The following ATRN variants were observed in gnomAD, a reference collection of about 807,000 sequenced individuals.
The protein encoded by ATRN is attractin, also known as attractin-2.
Under a neutral mutation model 178.7 loss-of-function variants are expected in ATRN, and 54 were observed. The ratio of observed to expected loss-of-function variants is 0.30; its 90% CI spans 0.24 to 0.38. ATRN has a LOEUF of 0.38. Ranked by LOEUF, ATRN falls within the 10% of genes least tolerant of loss-of-function variation. The pLI, the probability that ATRN is intolerant of heterozygous loss-of-function variation, is 1.00. For synonymous variants in ATRN, 636 were observed against 663.0 expected (o/e 0.96, Z 0.63); for missense variants, 1,443 against 1,815.1 (o/e 0.79, Z 3.73).
chr20:3,576,922 A>C lies in ATRN; in HGVS notation c.2278A>C (p.Thr760Pro), dbSNP rs1600123418. ...DNPMYYCNKK[T>P]SCRSCALDQN... ...CCCCATGTACTACTGTAACAAGAAG[A>C]CCAGCTGCAGGAGCTGTGCCCTGGA... The change falls in exon 14 of 29, where the codon ACC (threonine) becomes CCC (proline). Residue 760 changes from threonine (T) to proline (P), a missense_variant. Transcript: ENST00000262919. 1 of 1,614,004 alleles carries C rather than the reference A, an allele frequency of 6.2e-7. No homozygotes were observed. Among genetic ancestry groups the C allele is most frequent in the East Asian group, 2.2e-5 (1 of 44,886 alleles).
At chr20:3,544,725 G>A (rs1269167127) in intron 3 of ATRN, among the ~76,000 whole-genome samples, 2 of 151,936 alleles carry the variant, frequency 1.3e-5, no homozygotes, top group African/African-American at 4.8e-5. Flanking sequence ...CCTTCATTCT[G>A]TATTGATACG....
rs1483265278 is a variant in ATRN, at chr20:3,575,902, G to A, written c.2168G>A (p.Cys723Tyr). The change falls in exon 13 of 29, where the codon TGC (cysteine) becomes TAC (tyrosine). Residue 723 changes from cysteine (C) to tyrosine (Y), a missense_variant. Transcript: ENST00000262919. ...CTANTNDCHWCNDHCVPRNHS... is the reference protein window; with the variant it reads ...CTANTNDCHWYNDHCVPRNHS... ...GCCAACACCAATGACTGCCACTGGTGCAATGACCATTGTGTCCCCAGGAAC... is the reference window on the plus strand; with the variant it reads ...GCCAACACCAATGACTGCCACTGGTACAATGACCATTGTGTCCCCAGGAAC... The A allele has an allele frequency of 1.9e-6, 3 of 1,614,112 alleles. No individual in the cohort carries two copies. The highest frequency in any genetic ancestry group is 1.7e-5 in the Admixed American group (1 of 60,008).
At chr20:3,582,882 G>A (rs1024919014) in intron 16 of ATRN, among the ~76,000 whole-genome samples, 13 of 152,174 alleles carry the variant, frequency 8.5e-5, no homozygotes, top group South Asian at 8.3e-4. Flanking sequence ...ACAGACACTC[G>A]GAGTAGCTTC....
At chr20:3,532,698 G>A (rs546598356) in intron 1 of ATRN, among the ~76,000 whole-genome samples, 2 of 152,192 alleles carry the variant, frequency 1.3e-5, no homozygotes, top group East Asian at 3.9e-4. Flanking sequence ...CCTGACAAAG[G>A]GGAACTGTGG....
chr20:3,479,236 A>T (rs1357194837), intron 1 of ATRN, among the ~76,000 whole-genome samples: 1 of 152,098 alleles, frequency 6.6e-6, no homozygotes, highest in African/African-American at 2.4e-5. Context: ...TTCACTTCAT[A>T]AATATCTGCT....
chr20:3,623,535 G>C lies in ATRN; in HGVS notation c.3802-976G>C, dbSNP rs561681792. Among the ~76,000 whole-genome samples the C allele has an allele frequency of 2.4e-3, 367 of 152,306 alleles. 1 individual carries two copies. Among genetic ancestry groups the C allele is most frequent in the Non-Finnish European group, 3.4e-3 (233 of 68,034 alleles). ...TCTAAAAACAGTGCAAGGGGTTGGG[G>C]TTTGGTGGGACTAGGAAAGCAGATG... is the stretch of plus-strand genomic sequence containing the variant. On this transcript the variant is annotated intron_variant, in intron 24 of 28. Transcript: ENST00000262919.
intron 1 of ATRN, chr20:3,489,834 C>A: frequency 7.9e-7 from 1 of 1,258,392 alleles, no homozygotes. Flanking sequence ...GATATTTAGG[C>A]CATGAAGCTT....
At position 3,535,324 on chromosome 20, in the gene ATRN, T is replaced by A; in HGVS notation, c.482T>A (p.Leu161His). The part of the protein sequence containing the change: ...NYKYKTKCTW[L>H]IEGQPNRIMR... ...AAATACAAAACGAAGTGCACGTGGCTCATTGAAGGACAGTAAGTAGAAATG... is the reference window on the plus strand; with the variant it reads ...AAATACAAAACGAAGTGCACGTGGCACATTGAAGGACAGTAAGTAGAAATG... Residue 161 changes from leucine (L) to histidine (H), a missense_variant, in exon 2 of 29, where the codon CTC becomes CAC. Leu to His is a moderately conservative substitution (Grantham distance 99). This residue lies in a region of ATRN where 862 missense variants were observed against 972.1 expected (regional missense o/e 0.89). Transcript: ENST00000262919. 6.5e-7 allele frequency: 1 copy of A among 1,540,882 alleles called. No homozygotes were observed. Among genetic ancestry groups the A allele is most frequent in the Non-Finnish European group, 8.8e-7 (1 of 1,135,272 alleles).
intron 24 of ATRN, among the ~76,000 whole-genome samples, chr20:3,622,444 G>T (rs780902601): frequency 2.0e-5 from 3 of 152,248 alleles, no homozygotes; most frequent in Non-Finnish European, 4.4e-5. Flanking sequence ...GACAGTCTGT[G>T]AGTAGGGACA....
At chr20:3,583,014 T>A (rs1003223881) in intron 16 of ATRN, among the ~76,000 whole-genome samples, 3 of 152,146 alleles carry the variant, frequency 2.0e-5, no homozygotes, top group Admixed American at 2.0e-4. Context: ...TCACAAGCAG[T>A]CGGTGGAATT....
intron 3 of ATRN, among the ~76,000 whole-genome samples, chr20:3,544,912 T>C (rs1489765270): frequency 6.6e-6 from 1 of 151,464 alleles, no homozygotes; most frequent in Non-Finnish European, 1.5e-5. Flanking sequence ...AAGAAGAACC[T>C]AGGGAGCTTT....
intron 9 of ATRN, among the ~76,000 whole-genome samples, chr20:3,562,896 T>C (rs1391179835): frequency 6.6e-6 from 1 of 152,210 alleles, no homozygotes; most frequent in Non-Finnish European, 1.5e-5. Flanking sequence ...TTTCTAGTTT[T>C]TATGTCATTA....
At chr20:3,518,990 T>A (rs1488455010) in intron 1 of ATRN, among the ~76,000 whole-genome samples, 2 of 123,958 alleles carry the variant, frequency 1.6e-5, no homozygotes, top group Admixed American at 8.1e-5. Context: ...AGTGCTTCAA[T>A]AAACATCCTT....
intron 1 of ATRN, among the ~76,000 whole-genome samples, chr20:3,511,705 C>T (rs539944449): frequency 6.6e-6 from 1 of 152,090 alleles, no homozygotes; most frequent in South Asian, 2.1e-4. Context: ...GTCAGCAAGG[C>T]GTAGTTATCA....
chr20:3,579,539 A>G (rs2086255469), intron 15 of ATRN, among the ~76,000 whole-genome samples: 2 of 152,162 alleles, frequency 1.3e-5, no homozygotes, highest in South Asian at 4.1e-4. Flanking sequence ...TGGGTCTTTC[A>G]TAGCCCAGCC....
intron 7 of ATRN, among the ~76,000 whole-genome samples, 177 bp downstream of exon 7, chr20:3,559,660 T>G (rs890298117): frequency 1.3e-5 from 2 of 152,186 alleles, no homozygotes; most frequent in Non-Finnish European, 2.9e-5. Context: ...CTTTTTTAAC[T>G]CAAGAGATTT....
At chr20:3,490,026 G>A in intron 1 of ATRN, 1 of 1,020,018 alleles carries the variant, frequency 9.8e-7, no homozygotes, top group Middle Eastern at 2.2e-4. Flanking sequence ...TTCCCTGAGA[G>A]TCAGAGTATT....
chr20:3,552,901 A>G (rs1000501521), intron 6 of ATRN, among the ~76,000 whole-genome samples: 1 of 152,200 alleles, frequency 6.6e-6, no homozygotes, highest in Non-Finnish European at 1.5e-5. Flanking sequence ...TCAGGCCACA[A>G]GAAGAGTCTC....
At chr20:3,510,273 CA>C in intron 1 of ATRN, among the ~76,000 whole-genome samples, 1 of 152,156 alleles carries the variant, frequency 6.6e-6, no homozygotes, top group Admixed American at 6.5e-5. Context: ...CAGAGGTCAA[CA>C]AACATTTTCT....
Sources: gnomAD v4.1 joint callset for allele counts (sites outside exome capture counted in the v4.1 genomes callset) on GRCh38, gnomAD v4.1.1 for gene constraint, gnomAD v4.1.1 regional missense constraint, MANE v1.5 for transcripts, NCBI Gene and HGNC (gene_info 2026-07-23, HGNC 2026-07-21) for gene names.